Variants in PARP1 observed in about 807,000 individuals in gnomAD.
PARP1 encodes the protein poly(ADP-ribose) polymerase 1.
Under a neutral mutation model 118.7 loss-of-function variants are expected in PARP1, and 44 were observed. The ratio of observed to expected loss-of-function variants is 0.37; its 90% CI spans 0.29 to 0.48. PARP1 has a LOEUF of 0.48. Among genes scored for constraint, PARP1 ranks in the 20% least tolerant of loss-of-function variants. The pLI is 0.99. For missense variants in PARP1, 1,100 were observed against 1,272.4 expected (o/e 0.86, Z 2.06); for synonymous variants, 492 against 483.2 (o/e 1.02, Z -0.24).
chr1:226,407,221 T>C (rs370893428), intron 1 of PARP1, among the ~76,000 whole-genome samples: 3 of 152,092 alleles, frequency 2.0e-5, no homozygotes, highest in Non-Finnish European at 4.4e-5. Context: ...CTGGAAAATT[T>C]GGGGAAAATG....
At chr1:226,371,905 G>A (rs561739982) in intron 14 of PARP1, among the ~76,000 whole-genome samples, 17 of 152,312 alleles carry the variant, frequency 1.1e-4, no homozygotes, top group South Asian at 2.1e-4. Flanking sequence ...CACACAGGCC[G>A]CCCTCACTAC....
Position 226,365,987 on chromosome 1 carries a change from G to A in PARP1, c.2472C>T (p.Thr824=). Residue 824 remains threonine, a synonymous_variant, in exon 18 of 23, where the codon ACC becomes ACT. Coordinates refer to ENST00000366794, the MANE Select transcript of PARP1 (RefSeq NM_001618.4). ...IRKYVKNTHA[T]THNAYDLEVI... is the part of the protein sequence containing the mutation. ...CTTCCAAGTCATACGCATTGTGTGT[G>A]GTTGCATGAGTGTTCTTAACATACT... 6.2e-7 allele frequency: 1 copy of A among 1,612,632 alleles called. No individual in the cohort carries two copies. Among genetic ancestry groups the A allele is most frequent in the Non-Finnish European group, 8.5e-7 (1 of 1,178,662 alleles).
chr1:226,361,959 G>C lies in PARP1; in HGVS notation c.2963+10C>G, dbSNP rs1009454388. 15 of 1,490,480 alleles carry C rather than the reference G, an allele frequency of 1.0e-5. No individual in the cohort carries two copies. The highest frequency in any genetic ancestry group is 1.4e-5 in the Non-Finnish European group (15 of 1,067,214). The allele number at this position is 1,490,480 out of a possible 1,614,324, so 92.3% of individuals were successfully genotyped here. ...CTTTGTGCTCACACAGCATACTCAA[G>C]AAAGGATACTCGTTATATAGTAGAG... is the stretch of plus-strand genomic sequence containing the variant. On this transcript the variant is annotated intron_variant, in intron 22 of 22. Coordinates refer to ENST00000366794, the MANE Select transcript of PARP1 (RefSeq NM_001618.4).
chr1:226,364,622 G>C (rs771978297), intron 19 of PARP1, among the ~76,000 whole-genome samples: 1 of 152,218 alleles, frequency 6.6e-6, no homozygotes, highest in African/African-American at 2.4e-5. Flanking sequence ...ACGATCCCTC[G>C]TGTCTAGGTA....
Position 226,374,107 on chromosome 1 carries a change from C to T in PARP1, c.2070+119G>A, listed in dbSNP as rs527350844. The T allele has an allele frequency of 1.3e-5, 16 of 1,190,626 alleles. No individual in the cohort carries two copies. In the Middle Eastern group the frequency reaches 8.1e-4, roughly 61 times the overall value. The allele number at this position is 1,190,626 out of a possible 1,614,324, so 73.8% of individuals were successfully genotyped here. On this transcript the variant is annotated intron_variant, in intron 14 of 22. Transcript: ENST00000366794. Reference sequence around the variant, plus strand: ...AAGATTGAAGGACAGGTACAAGAAGCTGACAGCCAATGTATTGTTTTTGAA... The same window carrying T: ...AAGATTGAAGGACAGGTACAAGAAGTTGACAGCCAATGTATTGTTTTTGAA...
At chr1:226,382,078 G>C (rs925464071) in intron 8 of PARP1, among the ~76,000 whole-genome samples, 3 of 152,160 alleles carry the variant, frequency 2.0e-5, no homozygotes, top group Non-Finnish European at 4.4e-5. Context: ...ATGACCACCA[G>C]CACACACTGC....
Position 226,370,477 on chromosome 1 carries a change from C to CT in PARP1, c.2110dup (p.Arg704LysfsTer12). ...GATGGAGTATGCGGCCTGGATCTGC[C>CT]TTTTGCTCAGCTTCCCCAAGGGCAT... On this transcript the variant is annotated frameshift_variant, in exon 15 of 23. Coordinates refer to ENST00000366794, the MANE Select transcript of PARP1 (RefSeq NM_001618.4). LOFTEE classifies it high-confidence loss of function. 1 of 1,614,090 alleles carries CT rather than the reference C, an allele frequency of 6.2e-7. No individual in the cohort carries two copies. Among genetic ancestry groups the CT allele is most frequent in the Non-Finnish European group, 8.5e-7 (1 of 1,180,032 alleles).
chr1:226,367,041 A>G (rs994305164), intron 17 of PARP1: 4 of 272,458 alleles, frequency 1.5e-5, no homozygotes, highest in African/African-American at 2.2e-5. Flanking sequence ...GAACGCAAGC[A>G]TTGTGTTTTT....
chr1:226,403,076 G>A (rs1280634199), intron 1 of PARP1, among the ~76,000 whole-genome samples: 1 of 152,208 alleles, frequency 6.6e-6, no homozygotes, highest in East Asian at 1.9e-4. Context: ...CAGTTTCCCA[G>A]GCGTAGGACC....
In PARP1 at chr1:226,383,104, G is replaced by C; in HGVS notation, c.1091C>G (p.Ser364Cys). 4.3e-6 allele frequency: 7 copies of C among 1,613,224 alleles called. No homozygotes were observed. The highest frequency in any genetic ancestry group is 4.2e-6 in the Non-Finnish European group (5 of 1,179,924). Residue 364 changes from serine to cysteine, a missense_variant, in exon 8 of 23, where the codon TCC becomes TGC. Transcript: ENST00000366794. Reference protein sequence around the residue: ...DRIFPPETSASVAATPPPSTA... With the variant: ...DRIFPPETSACVAATPPPSTA... ...GGAGGGCGGAGGCGTGGCCGCCACGGAGGCGCTGGTTTCTGGGGGGAATAT... is the reference window on the plus strand; with the variant it reads ...GGAGGGCGGAGGCGTGGCCGCCACGCAGGCGCTGGTTTCTGGGGGGAATAT...
Position 226,390,537 on chromosome 1 carries a change from C to G in PARP1, c.490G>C (p.Val164Leu). ...AAACCCAGCTCCTCCCTGTTCTTGACAAAGCAGCCTGGATGGTACCAGCGG... is the reference window on the plus strand; with the variant it reads ...AAACCCAGCTCCTCCCTGTTCTTGAGAAAGCAGCCTGGATGGTACCAGCGG... Reference protein sequence around the residue: ...IDRWYHPGCFVKNREELGFRP... With the variant: ...IDRWYHPGCFLKNREELGFRP... The change falls in exon 4 of 23, where the codon GTC becomes CTC. Residue 164 changes from valine (V) to leucine (L), a missense_variant. Val to Leu is a conservative substitution (Grantham distance 32). Transcript: ENST00000366794. 6 of 1,614,242 alleles carry G rather than the reference C, an allele frequency of 3.7e-6. No individual in the cohort carries two copies. Among genetic ancestry groups the G allele is most frequent in the Non-Finnish European group, 5.1e-6 (6 of 1,180,052 alleles).
At chr1:226,378,675 C>T (rs573714036) in intron 12 of PARP1, among the ~76,000 whole-genome samples, 50 of 152,050 alleles carry the variant, frequency 3.3e-4, no homozygotes, top group African/African-American at 1.1e-3. Flanking sequence ...CAGCGAGGCC[C>T]GTCTCCATAA....
intron 2 of PARP1, among the ~76,000 whole-genome samples, chr1:226,397,546 G>A (rs1664949286): frequency 6.6e-6 from 1 of 152,310 alleles, no homozygotes; most frequent in Admixed American, 6.5e-5. Context: ...TGGAGGTGGG[G>A]CCTGGTGGGA....
chr1:226,389,770 G>A (rs370597992), intron 4 of PARP1, among the ~76,000 whole-genome samples: 6 of 152,294 alleles, frequency 3.9e-5, no homozygotes, highest in African/African-American at 1.2e-4. Flanking sequence ...ACCGTTCAAG[G>A]AGCAGGGTGC....
chr1:226,376,891 T>C (rs1664498603), intron 13 of PARP1, among the ~76,000 whole-genome samples: 1 of 152,220 alleles, frequency 6.6e-6, no homozygotes, highest in African/African-American at 2.4e-5. Flanking sequence ...TGTGCTGCTT[T>C]GGCTCTGGTA....
intron 2 of PARP1, among the ~76,000 whole-genome samples, chr1:226,401,544 C>G (rs1396620863): frequency 6.6e-6 from 1 of 152,178 alleles, no homozygotes; most frequent in Non-Finnish European, 1.5e-5. Context: ...CAATGGTAAA[C>G]TGATATGGCA....
intron 2 of PARP1, among the ~76,000 whole-genome samples, chr1:226,393,286 C>G (rs1327749995): frequency 1.3e-5 from 2 of 151,878 alleles, no homozygotes; most frequent in Non-Finnish European, 2.9e-5. Flanking sequence ...TGTGCAAGAT[C>G]TCTACACTAA....
Position 226,383,082 on chromosome 1 carries a change from G to A in PARP1, c.1113C>T (p.Pro371=), listed in dbSNP as rs746280132. The change falls in exon 8 of 23, where the codon CCC becomes CCT. Residue 371 remains proline (P), a synonymous_variant. Transcript: ENST00000366794. ...CAGCAGCAGGAGCCGAGGCTGTGGA[G>A]GGCGGAGGCGTGGCCGCCACGGAGG... ...TSASVAATPP[P]STASAPAAVN... 3 of 1,613,040 alleles carry A rather than the reference G, an allele frequency of 1.9e-6. No individual in the cohort carries two copies. The highest frequency in any genetic ancestry group is 2.2e-5 in the East Asian group (1 of 44,890).
At position 226,379,199 on chromosome 1, in the gene PARP1, A is replaced by C; in HGVS notation, c.1688T>G (p.Val563Gly). ...CTTGTAGTAGGAGTTGGTTCCTTTA[A>C]CGATGTCCACCAGGCCAAGGGTGGC... ...FSATLGLVDI[V>G]KGTNSYYKLQ... The change falls in exon 12 of 23, where the codon GTT (valine) becomes GGT (glycine). Residue 563 changes from valine (V) to glycine (G), a missense_variant. This residue lies in a region of PARP1 where 948 missense variants were observed against 1,031.8 expected (regional missense o/e 0.92). Transcript: ENST00000366794. 2 of 1,614,158 alleles carry C rather than the reference A, an allele frequency of 1.2e-6. No individual in the cohort carries two copies. Among genetic ancestry groups the C allele is most frequent in the Non-Finnish European group, 1.7e-6 (2 of 1,180,014 alleles).
Sources: allele counts gnomAD v4.1 joint callset (sites outside exome capture counted in the v4.1 genomes callset), GRCh38; gene constraint gnomAD v4.1.1; regional missense constraint gnomAD v4.1.1; transcripts MANE v1.5; gene names NCBI Gene and HGNC (gene_info 2026-07-23, HGNC 2026-07-21).